The following ZFPM2 variants were observed in gnomAD, a reference collection of about 807,000 sequenced individuals.
The protein encoded by ZFPM2 is zinc finger protein, FOG family member 2, also known as zinc finger protein ZFPM2.
A neutral mutation model predicts 98.6 loss-of-function variants in ZFPM2; 20 were observed. The observed-to-expected ratio is 0.20, with a 90% CI of 0.14 to 0.29. ZFPM2 has a LOEUF of 0.29. Among genes scored for constraint, ZFPM2 ranks in the 10% least tolerant of loss-of-function variants. The pLI is 1.00. For missense variants in ZFPM2, 1,310 were observed against 1,388.6 expected (o/e 0.94, Z 0.90); for synonymous variants, 518 against 502.7 (o/e 1.03, Z -0.41).
At position 105,737,089 on chromosome 8, in the gene ZFPM2, T is replaced by C. The variant is rs183126052; in HGVS notation, c.533-51629T>C. 7.2e-4 allele frequency among the ~76,000 whole-genome samples: 109 copies of C among 152,182 alleles called. 1 individual carries two copies. In the East Asian group the frequency reaches 0.015, roughly 22 times the overall value. On this transcript the variant is annotated intron_variant, in intron 5 of 7. Coordinates refer to ENST00000407775, the MANE Select transcript of ZFPM2 (RefSeq NM_012082.4). ...TCATGGACCTCTGGAAGTCCATCTA[T>C]GGCTTTCTTTAGATTTCCACCATGT...
At chr8:105,658,480 C>G (rs1357954553) in intron 5 of ZFPM2, among the ~76,000 whole-genome samples, 1 of 86,152 alleles carries the variant, frequency 1.2e-5, no homozygotes, top group Non-Finnish European at 2.2e-5. Flanking sequence ...CCCAGCTACT[C>G]GGGAGGCTGA....
intron 5 of ZFPM2, among the ~76,000 whole-genome samples, chr8:105,728,847 C>T (rs1811869068): frequency 6.6e-6 from 1 of 151,732 alleles, no homozygotes; most frequent in Admixed American, 6.6e-5. Context: ...TTCCTTCTCT[C>T]CTCCAACCCT....
chr8:105,524,348 G>A (rs1814126373), intron 3 of ZFPM2, among the ~76,000 whole-genome samples: 2 of 152,118 alleles, frequency 1.3e-5, no homozygotes, highest in Admixed American at 6.5e-5. Context: ...CATTTGCAGA[G>A]TGAATGAGTA....
At chr8:105,321,066 A>C (rs747326764) in intron 1 of ZFPM2, among the ~76,000 whole-genome samples, 12 of 152,188 alleles carry the variant, frequency 7.9e-5, no homozygotes, top group African/African-American at 2.2e-4. Context: ...CGTTAAGAAA[A>C]GTGAAAAATT....
chr8:105,771,855 T>C (rs1373817789), intron 5 of ZFPM2, among the ~76,000 whole-genome samples: 1 of 152,208 alleles, frequency 6.6e-6, no homozygotes, highest in Non-Finnish European at 1.5e-5. Context: ...AATTAGATGA[T>C]GTGCTATTAT....
At chr8:105,380,058 T>G (rs1422281702) in intron 1 of ZFPM2, among the ~76,000 whole-genome samples, 1 of 152,178 alleles carries the variant, frequency 6.6e-6, no homozygotes, top group Non-Finnish European at 1.5e-5. Flanking sequence ...GAATGTAGGC[T>G]CACTCTCATC....
chr8:105,596,139 A>T (rs1815965485), intron 4 of ZFPM2, among the ~76,000 whole-genome samples: 1 of 152,182 alleles, frequency 6.6e-6, no homozygotes, highest in South Asian at 2.1e-4. Flanking sequence ...GGTAGTATCC[A>T]TATCAAAATG....
intron 3 of ZFPM2, among the ~76,000 whole-genome samples, chr8:105,490,938 A>G (rs1396336799): frequency 6.6e-6 from 1 of 152,196 alleles, no homozygotes; most frequent in Non-Finnish European, 1.5e-5. Context: ...AAATTTTACT[A>G]TTGAAATAAA....
chr8:105,489,466 A>ATT (rs369037656), intron 3 of ZFPM2, among the ~76,000 whole-genome samples: 62 of 119,776 alleles, frequency 5.2e-4, no homozygotes, highest in East Asian at 2.4e-3. Context: ...ATATATATAT[A>ATT]TTTTTTTTTT....
intron 3 of ZFPM2, among the ~76,000 whole-genome samples, chr8:105,554,160 A>G (rs902416044): frequency 9.2e-5 from 14 of 152,226 alleles, no homozygotes. Context: ...ACCAAGAACT[A>G]TCATTTCCTG....
chr8:105,676,540 A>G (rs1439213268), intron 5 of ZFPM2, among the ~76,000 whole-genome samples: 1 of 152,110 alleles, frequency 6.6e-6, no homozygotes, highest in Non-Finnish European at 1.5e-5. Flanking sequence ...CAGCGTCAGC[A>G]TTCTTTTCAT....
chr8:105,692,411 G>C (rs1810908415), intron 5 of ZFPM2, among the ~76,000 whole-genome samples: 2 of 152,134 alleles, frequency 1.3e-5, no homozygotes, highest in South Asian at 4.1e-4. Context: ...TTTGCTTATG[G>C]ATGTGCAAAT....
At chr8:105,427,999 AC>A (rs1811949330) in intron 2 of ZFPM2, among the ~76,000 whole-genome samples, 1 of 152,170 alleles carries the variant, frequency 6.6e-6, no homozygotes, top group South Asian at 2.1e-4. Context: ...TTTGCCTGTA[AC>A]TTCCAGAGGC....
chr8:105,480,570 A>G (rs1291752578), intron 3 of ZFPM2, among the ~76,000 whole-genome samples: 1 of 152,142 alleles, frequency 6.6e-6, no homozygotes, highest in Non-Finnish European at 1.5e-5. Context: ...TTAATCAAAA[A>G]CTATTTATTG....
In ZFPM2 at chr8:105,604,028, G is replaced by A. The variant is rs79083367; in HGVS notation, c.421-30218G>A. On this transcript the variant is annotated intron_variant, in intron 4 of 7. Coordinates refer to ENST00000407775, the MANE Select transcript of ZFPM2 (RefSeq NM_012082.4). Reference sequence around the variant, plus strand: ...ATGTTAAAGCCAAATTTAAATCCCCGCCCGAATCTCTCATCTGAGATCCAG... The same window carrying A: ...ATGTTAAAGCCAAATTTAAATCCCCACCCGAATCTCTCATCTGAGATCCAG... Among the ~76,000 whole-genome samples the A allele has an allele frequency of 3.9e-3, 599 of 151,906 alleles. 3 individuals are homozygous for A. The highest frequency in any genetic ancestry group is 0.014 in the African/African-American group (575 of 41,444).
intron 4 of ZFPM2, among the ~76,000 whole-genome samples, chr8:105,608,001 G>C (rs1158355725): frequency 2.0e-5 from 3 of 152,106 alleles, no homozygotes; most frequent in Non-Finnish European, 4.4e-5. Flanking sequence ...ATACTGTGCA[G>C]CCGTAAAAAA....
chr8:105,589,434 A>G (rs1234256440), intron 4 of ZFPM2, among the ~76,000 whole-genome samples: 3 of 152,238 alleles, frequency 2.0e-5, no homozygotes, highest in African/African-American at 7.2e-5. Flanking sequence ...AATTAAAGCT[A>G]CTTTGCCAAC....
intron 5 of ZFPM2, among the ~76,000 whole-genome samples, chr8:105,687,301 A>G (rs1810763114): frequency 6.6e-6 from 1 of 152,170 alleles, no homozygotes; most frequent in Non-Finnish European, 1.5e-5. Flanking sequence ...TCCATTTTTT[A>G]TAGCAGTTAG....
At chr8:105,394,696 C>CT (rs1376318291) in intron 1 of ZFPM2, among the ~76,000 whole-genome samples, 1 of 152,180 alleles carries the variant, frequency 6.6e-6, no homozygotes, top group East Asian at 1.9e-4. Context: ...CCACGGAATT[C>CT]CCATTAGCAT....
Sources: allele counts gnomAD v4.1 joint callset (sites outside exome capture counted in the v4.1 genomes callset), GRCh38; gene constraint gnomAD v4.1.1; transcripts MANE v1.5; gene names NCBI Gene and HGNC (gene_info 2026-07-23, HGNC 2026-07-21).